Variants in SYT1 observed in about 807,000 individuals in gnomAD.
SYT1 encodes synaptotagmin 1.
SYT1 carries 8 observed loss-of-function variants against 44.8 expected under a neutral mutation model. That is an observed-to-expected ratio of 0.18 (90% CI 0.10 to 0.32). The LOEUF (loss-of-function observed/expected upper bound fraction) is 0.32. Among genes scored for constraint, SYT1 ranks in the 10% least tolerant of loss-of-function variants. The probability of loss-of-function intolerance (pLI) is 1.00; values close to 1 mark genes in which losing one functional copy is unlikely to be tolerated. For missense variants in SYT1, 286 were observed against 509.3 expected, an observed-to-expected ratio of 0.56 and a Z score of 4.22; for synonymous variants, 154 against 188.8, an observed-to-expected ratio of 0.82 and a Z score of 1.51.
intron 7 of SYT1, 53 bp downstream of exon 7, chr12:79,296,289 C>T (rs1356264177): frequency 6.5e-7 from 1 of 1,547,866 alleles, no homozygotes; most frequent in African/African-American, 1.4e-5. Context: ...ACTTAAAAGA[C>T]TGATCTCATC....
At chr12:79,104,230 C>CT (rs979819247) in intron 3 of SYT1, among the ~76,000 whole-genome samples, 2 of 150,104 alleles carry the variant, frequency 1.3e-5, no homozygotes, top group Non-Finnish European at 3.0e-5. Context: ...ATACAGAGTT[C>CT]TTTTTTCAAA....
intron 3 of SYT1, among the ~76,000 whole-genome samples, chr12:79,106,129 G>A (rs949663692): frequency 6.6e-6 from 1 of 152,174 alleles, no homozygotes; most frequent in African/African-American, 2.4e-5. Context: ...TATCCAGCAA[G>A]CAGTTGGAAA....
At chr12:78,912,671 T>A (rs1456184688) in intron 1 of SYT1, among the ~76,000 whole-genome samples, 2 of 151,936 alleles carry the variant, frequency 1.3e-5, no homozygotes, top group Non-Finnish European at 2.9e-5. Flanking sequence ...AGGAACTTTT[T>A]AAAAAAGATG....
chr12:79,266,500 C>T (rs535815089), intron 4 of SYT1, among the ~76,000 whole-genome samples: 2 of 152,214 alleles, frequency 1.3e-5, no homozygotes, highest in African/African-American at 4.8e-5. Context: ...TGGTCATGTG[C>T]TTACAGTTGC....
chr12:79,384,758 A>C (rs914601633), intron 9 of SYT1, among the ~76,000 whole-genome samples: 1 of 152,130 alleles, frequency 6.6e-6, no homozygotes, highest in Non-Finnish European at 1.5e-5. Flanking sequence ...ACAAGAATGA[A>C]AGCTGATTTT....
intron 10 of SYT1, among the ~76,000 whole-genome samples, chr12:79,448,612 A>T (rs1385957873): frequency 6.6e-6 from 1 of 152,198 alleles, no homozygotes; most frequent in Non-Finnish European, 1.5e-5. Flanking sequence ...CAAACAACTC[A>T]TTCCTTAAAC....
intron 1 of SYT1, among the ~76,000 whole-genome samples, chr12:78,896,461 AT>A (rs2137085372): frequency 6.6e-6 from 1 of 151,896 alleles, no homozygotes; most frequent in African/African-American, 2.4e-5. Flanking sequence ...GGATAAATCT[AT>A]TGGGAAAAAA....
intron 4 of SYT1, among the ~76,000 whole-genome samples, chr12:79,234,712 CTTTTT>C (rs869074290): frequency 1.7e-4 from 5 of 28,816 alleles, no homozygotes; most frequent in East Asian, 1.7e-3. Flanking sequence ...TTCTTTCTTT[CTTTTT>C]TTTTTTTTTT....
chr12:79,098,457 G>A (rs995923497), intron 3 of SYT1, among the ~76,000 whole-genome samples: 2 of 151,962 alleles, frequency 1.3e-5, no homozygotes, highest in Non-Finnish European at 2.9e-5. Context: ...ATTTATATTG[G>A]CTAGATCTAA....
chr12:79,372,262 G>A (rs566238331), intron 9 of SYT1, among the ~76,000 whole-genome samples: 2 of 152,178 alleles, frequency 1.3e-5, no homozygotes, highest in African/African-American at 2.4e-5. Flanking sequence ...ATGAAAACTC[G>A]AATAGTTCAC....
chr12:78,969,241 G>C (rs1005904575), intron 1 of SYT1, among the ~76,000 whole-genome samples: 2 of 152,140 alleles, frequency 1.3e-5, no homozygotes, highest in African/African-American at 4.8e-5. Context: ...TTATATCAGG[G>C]TCTTGAATAG....
chr12:79,290,176 T>C (rs2138844482), intron 5 of SYT1, among the ~76,000 whole-genome samples: 1 of 152,278 alleles, frequency 6.6e-6, no homozygotes, highest in East Asian at 1.9e-4. Flanking sequence ...TCCTAAGAAA[T>C]TTCCAGCAAA....
chr12:79,387,330 C>T (rs1884476256), intron 9 of SYT1, among the ~76,000 whole-genome samples: 1 of 152,190 alleles, frequency 6.6e-6, no homozygotes, highest in Non-Finnish European at 1.5e-5. Context: ...CAACATCTGC[C>T]TCTCTTTTCT....
chr12:79,241,891 G>A (rs1245804), intron 4 of SYT1, among the ~76,000 whole-genome samples: 104,476 of 151,954 alleles, frequency 0.69, 36,277 homozygotes, highest in Admixed American at 0.72. Flanking sequence ...AGAGACCAGC[G>A]TCCTTAGAAG....
chr12:79,010,194 A>G (rs919035960), intron 2 of SYT1, among the ~76,000 whole-genome samples: 1 of 152,180 alleles, frequency 6.6e-6, no homozygotes, highest in Admixed American at 6.6e-5. Flanking sequence ...AGAATTGAAA[A>G]GAGACCATGA....
At chr12:79,189,245 A>G (rs997541362) in intron 3 of SYT1, among the ~76,000 whole-genome samples, 1 of 152,146 alleles carries the variant, frequency 6.6e-6, no homozygotes, top group Non-Finnish European at 1.5e-5. Flanking sequence ...AGATTCTATC[A>G]CTTTACTAGC....
chr12:79,039,577 T>C lies in SYT1; in HGVS notation c.-83-7720T>C, dbSNP rs144524796. Among the ~76,000 whole-genome samples the C allele has an allele frequency of 4.4e-3, 667 of 151,948 alleles. 9 individuals are homozygous for C. Among genetic ancestry groups the C allele is most frequent in the African/African-American group, 0.014 (569 of 41,538 alleles). ...AAGAATAAAATAGTTTTTTAATTGA[T>C]TCTACCACATTTTTTATTTTTTTAT... On this transcript the variant is annotated intron_variant, in intron 2 of 10. Coordinates refer to ENST00000261205, the MANE Select transcript of SYT1 (RefSeq NM_005639.3).
intron 2 of SYT1, among the ~76,000 whole-genome samples, chr12:79,041,496 G>T (rs1377600425): frequency 6.6e-6 from 1 of 152,058 alleles, no homozygotes; most frequent in Non-Finnish European, 1.5e-5. Flanking sequence ...CTTTGCTGAA[G>T]TTGCTTATCA....
intron 1 of SYT1, among the ~76,000 whole-genome samples, chr12:78,950,612 T>C (rs1878913617): frequency 1.3e-5 from 2 of 152,266 alleles, no homozygotes; most frequent in East Asian, 1.9e-4. Context: ...ACATACATAA[T>C]ATACGGCAAA....
Sources: gnomAD v4.1 joint callset for allele counts (sites outside exome capture counted in the v4.1 genomes callset) on GRCh38, gnomAD v4.1.1 for gene constraint, MANE v1.5 for transcripts, NCBI Gene and HGNC (gene_info 2026-07-23, HGNC 2026-07-21) for gene names.